Variants in FAT2 observed in about 807,000 individuals in gnomAD.
FAT2 encodes FAT atypical cadherin 2.
A neutral mutation model predicts 295.3 loss-of-function variants in FAT2; 150 were observed. The ratio of observed to expected loss-of-function variants is 0.51; its 90% CI spans 0.44 to 0.58. The LOEUF is 0.58. FAT2 is among the 20% of genes least tolerant of loss of function. FAT2 has a pLI of 0.00. For missense variants in FAT2, 4,868 were observed against 5,442.7 expected (o/e 0.89, Z 3.32); for synonymous variants, 2,026 against 2,150.3 (o/e 0.94, Z 1.60).
In FAT2 at chr5:151,504,733, G is replaced by C. The variant is rs1192668100; in HGVS notation, c.*832C>G. The C allele has an allele frequency of 6.6e-6, 1 of 152,664 alleles. No homozygotes were observed. The highest frequency in any genetic ancestry group is 1.9e-4 in the East Asian group (1 of 5,204). 9.5% of individuals were successfully genotyped at this position (152,664 alleles called of 1,614,324 possible). On this transcript the variant is annotated 3_prime_UTR_variant, in exon 24 of 24. Coordinates refer to ENST00000261800, the MANE Select transcript of FAT2 (RefSeq NM_001447.3). ...TTCCTTCCTTCCTTTGGCCAAAAGT[G>C]CCTGGGAAACTTGGGATGAAGAACC...
chr5:151,582,100 T>C (rs1276621112), intron 1 of FAT2, among the ~76,000 whole-genome samples: 1 of 152,242 alleles, frequency 6.6e-6, no homozygotes, highest in East Asian at 1.9e-4. Flanking sequence ...CACCCAGTCC[T>C]GCTGCTGAGC....
chr5:151,505,815 CA>C lies in FAT2; in HGVS notation c.12799del (p.Cys4267ValfsTer129), dbSNP rs1561806558. 2 of 1,613,660 alleles carry C rather than the reference CA, an allele frequency of 1.2e-6. No individual in the cohort carries two copies. Among genetic ancestry groups the C allele is most frequent in the Non-Finnish European group, 1.7e-6 (2 of 1,179,854 alleles). ...PSPRERLVAP[C>X]LNEYTAISYY... ...GCTGATGGCCGTGTACTCATTGAGACAGGGGGCAACCAGGCGCTCCCGGGGA... is the reference window on the plus strand; with the variant it reads ...GCTGATGGCCGTGTACTCATTGAGACGGGGGCAACCAGGCGCTCCCGGGGA... On this transcript the variant is annotated frameshift_variant, in exon 24 of 24. Transcript: ENST00000261800. LOFTEE classifies it high-confidence loss of function.
chr5:151,538,650 A>G (rs1217016822), intron 11 of FAT2, among the ~76,000 whole-genome samples: 1 of 152,126 alleles, frequency 6.6e-6, no homozygotes, highest in African/African-American at 2.4e-5. Flanking sequence ...GGACCCCTAC[A>G]TGCCCTGGAT....
At chr5:151,526,591 G>A (rs535717434) in intron 17 of FAT2, among the ~76,000 whole-genome samples, 34 of 152,324 alleles carry the variant, frequency 2.2e-4, no homozygotes, top group South Asian at 2.1e-3. Flanking sequence ...GACATTCTCT[G>A]TTCCTTTCTT....
chr5:151,510,857 A>G (rs373139372), intron 21 of FAT2: 10 of 152,234 alleles, frequency 6.6e-5, no homozygotes, highest in Admixed American at 6.5e-4. Context: ...AGGCTAGGGA[A>G]GGGTGTGGCA....
At position 151,554,324 on chromosome 5, in the gene FAT2, G is replaced by A. The variant is rs202119574; in HGVS notation, c.3945+38C>T. ...CTCAAAGAAGGCCACTAACCAGCATGCCACTCCTCCCTCCGTGGCTTCCTT... is the reference window on the plus strand; with the variant it reads ...CTCAAAGAAGGCCACTAACCAGCATACCACTCCTCCCTCCGTGGCTTCCTT... On this transcript the variant is annotated intron_variant, in intron 5 of 23. Coordinates refer to ENST00000261800, the MANE Select transcript of FAT2 (RefSeq NM_001447.3). 4.4e-6 allele frequency: 7 copies of A among 1,576,336 alleles called. No individual in the cohort carries two copies. The East Asian group carries it at 1.6e-4, about 35-fold the overall frequency.
Position 151,544,610 on chromosome 5 carries a change from T to G in FAT2, c.6517A>C (p.Ser2173Arg), listed in dbSNP as rs751354991. 6.2e-7 allele frequency: 1 copy of G among 1,614,154 alleles called. No individual in the cohort carries two copies. The highest frequency in any genetic ancestry group is 2.2e-5 in the East Asian group (1 of 44,874). ...GGTACTCTGACTTTGTAATAAGGAC[T>G]CTGAAACAGTGGGTTGGATTTATTT... is the stretch of plus-strand genomic sequence containing the variant. ...VRNKSNPLFQ[S>R]PYYKVRVPEN... Residue 2173 changes from serine (S) to arginine (R), a missense_variant, in exon 10 of 24, where the codon AGT becomes CGT. By Grantham distance (110) the Ser-to-Arg change is moderately radical (BLOSUM62 -1). Around this residue, in one of 5 missense-constraint regions of FAT2, gnomAD observed 3,297 missense variants for 3,669.4 expected, o/e 0.90. Transcript: ENST00000261800.
intron 12 of FAT2, among the ~76,000 whole-genome samples, chr5:151,535,691 G>T (rs1278195035): frequency 1.3e-5 from 2 of 152,204 alleles, no homozygotes; most frequent in African/African-American, 4.8e-5. Context: ...CTTGAAGCTG[G>T]TTGGTCAGAC....
In FAT2 at chr5:151,514,558, C is replaced by T. The variant is rs184409739; in HGVS notation, c.11464-1952G>A. ...AACGTGCAGCTTTGCTCACGAGCCT[C>T]TCTTTAATTTCATGACCATGGCTCT... On this transcript the variant is annotated intron_variant, in intron 20 of 23. Transcript: ENST00000261800. 5.1e-4 allele frequency among the ~76,000 whole-genome samples: 77 copies of T among 152,366 alleles called. 1 individual carries two copies. Among genetic ancestry groups the T allele is most frequent in the Admixed American group, 2.2e-3 (33 of 15,308 alleles).
Position 151,568,623 on chromosome 5 carries a change from G to A in FAT2, c.309C>T (p.Asn103=), listed in dbSNP as rs1025116429. Residue 103 remains asparagine, a synonymous_variant, in exon 2 of 24, where the codon AAC becomes AAT. Coordinates refer to ENST00000261800, the MANE Select transcript of FAT2 (RefSeq NM_001447.3). ...CFLRIRTKSS[N]TALLNREVRD... ...GCACCTCTCTGTTCAGAAGAGCTGT[G>A]TTGCTGCTCTTTGTCCTTATTCTTA... 1 of 1,614,188 alleles carries A rather than the reference G, an allele frequency of 6.2e-7. No individual in the cohort carries two copies. Among genetic ancestry groups the A allele is most frequent in the Non-Finnish European group, 8.5e-7 (1 of 1,180,030 alleles).
chr5:151,524,021 C>T (rs923890354), intron 18 of FAT2, among the ~76,000 whole-genome samples: 4 of 152,114 alleles, frequency 2.6e-5, no homozygotes, highest in African/African-American at 7.2e-5. Flanking sequence ...GAAATCTCTC[C>T]GCTTCCTGCA....
chr5:151,538,104 GAA>G (rs1388690240), intron 11 of FAT2, among the ~76,000 whole-genome samples, 158 bp from the exon 12 acceptor site: 1 of 151,964 alleles, frequency 6.6e-6, no homozygotes, highest in Non-Finnish European at 1.5e-5. Context: ...CAGAGAGAGA[GAA>G]AGAGAAGCAG....
At chr5:151,581,014 C>T (rs997630584) in intron 1 of FAT2, among the ~76,000 whole-genome samples, 2 of 152,140 alleles carry the variant, frequency 1.3e-5, no homozygotes, top group Non-Finnish European at 2.9e-5. Context: ...ATCAGTCTCA[C>T]GTGGCCACTC....
Position 151,512,358 on chromosome 5 carries a change from A to T in FAT2, c.11712T>A (p.Asn3904Lys). ...GGLILLHSSSNVSQGFEGCLD... is the reference protein window; with the variant it reads ...GGLILLHSSSKVSQGFEGCLD... ...GGCAGCCTTCAAAGCCCTGGGAGAC[A>T]TTCGAGGAAGAATGCAACAGAATGA... Residue 3904 changes from asparagine (N) to lysine (K), a missense_variant, in exon 21 of 24, where the codon AAT becomes AAA. This residue lies in a region of FAT2 where 1,046 missense variants were observed against 1,210.1 expected (regional missense o/e 0.86). Transcript: ENST00000261800. This position sits in a 1 kb window ranked among gnomAD's most constrained non-coding sequence, Gnocchi z 4.1. 3 of 1,614,214 alleles carry T rather than the reference A, an allele frequency of 1.9e-6. No homozygotes were observed. Among genetic ancestry groups the T allele is most frequent in the Non-Finnish European group, 2.5e-6 (3 of 1,180,028 alleles).
chr5:151,579,491 G>A (rs1339178820), intron 1 of FAT2, among the ~76,000 whole-genome samples: 1 of 152,152 alleles, frequency 6.6e-6, no homozygotes, highest in East Asian at 1.9e-4. Flanking sequence ...AGGATTGCTT[G>A]AGCCCAGGAG....
intron 1 of FAT2, among the ~76,000 whole-genome samples, chr5:151,582,176 TA>T (rs1409231571): frequency 2.0e-5 from 3 of 152,182 alleles, no homozygotes; most frequent in Non-Finnish European, 4.4e-5. Flanking sequence ...GCACCCTGAG[TA>T]ACCCAAGGTG....
chr5:151,554,273 G>A (rs1757489871), intron 5 of FAT2, 89 bp downstream of exon 5: 2 of 1,210,102 alleles, frequency 1.7e-6, no homozygotes, highest in Non-Finnish European at 2.3e-6. Flanking sequence ...CCTTATGCTG[G>A]TGGGCTGTCT....
At chr5:151,582,961 C>A (rs1759018443) in intron 1 of FAT2, among the ~76,000 whole-genome samples, 1 of 152,078 alleles carries the variant, frequency 6.6e-6, no homozygotes, top group South Asian at 2.1e-4. Flanking sequence ...GAGCTTCATG[C>A]CTAACTTTAT....
In FAT2 at chr5:151,589,165, A is replaced by G. The variant is rs192120062; in HGVS notation, c.-21+2000T>C. ...GAGGTCATGTCCTTCCCCACTCAAA[A>G]TGAATCCAAAAGACAGGGTTTATCC... is the stretch of plus-strand genomic sequence containing the variant. On this transcript the variant is annotated intron_variant, in intron 1 of 23. Coordinates refer to ENST00000261800, the MANE Select transcript of FAT2 (RefSeq NM_001447.3). Among the ~76,000 whole-genome samples the G allele has an allele frequency of 1.8e-3, 275 of 152,276 alleles. 1 individual carries two copies. The highest frequency in any genetic ancestry group is 5.9e-3 in the African/African-American group (246 of 41,552).
Sources: allele counts gnomAD v4.1 joint callset (sites outside exome capture counted in the v4.1 genomes callset), GRCh38; gene constraint gnomAD v4.1.1; regional missense constraint gnomAD v4.1.1; non-coding constraint Gnocchi (gnomAD v3.1); transcripts MANE v1.5; gene names NCBI Gene and HGNC (gene_info 2026-07-23, HGNC 2026-07-21).